FBN3: variants seen among roughly 807,000 people sequenced by gnomAD.
FBN3 encodes the protein fibrillin 3, also known as fibrillin-3.
A neutral mutation model predicts 330.1 loss-of-function variants in FBN3; 234 were observed. The ratio of observed to expected loss-of-function variants is 0.71; its 90% CI spans 0.64 to 0.79. The LOEUF (loss-of-function observed/expected upper bound fraction) is 0.79. FBN3 is among the 30% of genes least tolerant of loss of function. The pLI, the probability that FBN3 is intolerant of heterozygous loss-of-function variation, is 0.00. For missense variants in FBN3, 3,606 were observed against 3,886.9 expected, an observed-to-expected ratio of 0.93 and a Z score of 1.92; for synonymous variants, 1,458 against 1,517.3, an observed-to-expected ratio of 0.96 and a Z score of 0.91.
intron 37 of FBN3, among the ~76,000 whole-genome samples, chr19:8,107,268 TG>T (rs1360663037): frequency 8.5e-6 from 1 of 117,830 alleles, no homozygotes; most frequent in African/African-American, 3.4e-5. Context: ...GAAGGATAAA[TG>T]GACAGAAGGA....
At chr19:8,135,513 G>GTGATCCACCCA (rs1160530793) in intron 13 of FBN3, among the ~76,000 whole-genome samples, 4 of 151,778 alleles carry the variant, frequency 2.6e-5, no homozygotes, top group Non-Finnish European at 4.4e-5. Flanking sequence ...CCTGACCTCG[G>GTGATCCACCCA]CCTCCCAAAG....
chr19:8,072,443 C>T (rs538815260), intron 62 of FBN3, among the ~76,000 whole-genome samples: 71 of 152,250 alleles, frequency 4.7e-4, no homozygotes, highest in Middle Eastern at 3.4e-3. Context: ...AGGACGTGCA[C>T]AGGCTGGGAT....
chr19:8,103,476 A>C, intron 39 of FBN3, 86 bp downstream of exon 39: 1 of 1,413,728 alleles, frequency 7.1e-7, no homozygotes, highest in Non-Finnish European at 9.7e-7. Flanking sequence ...CTCCCTCTCC[A>C]TAGGCTTGAA....
intron 62 of FBN3, among the ~76,000 whole-genome samples, chr19:8,072,536 A>C (rs1323351535): frequency 6.6e-6 from 1 of 152,078 alleles, no homozygotes; most frequent in Non-Finnish European, 1.5e-5. Flanking sequence ...ATGCAGGCAC[A>C]TGTGTGCTCG....
chr19:8,089,185 A>T (rs1291888444), intron 51 of FBN3, among the ~76,000 whole-genome samples: 1 of 152,202 alleles, frequency 6.6e-6, no homozygotes, highest in Non-Finnish European at 1.5e-5. Context: ...GAGTGAGCCA[A>T]GGAGTGAATG....
chr19:8,111,606 T>C, intron 32 of FBN3, 42 bp downstream of exon 32: 1 of 1,424,096 alleles, frequency 7.0e-7, no homozygotes, highest in Non-Finnish European at 9.7e-7. Flanking sequence ...CCCCCGTGGC[T>C]GTCCCTCTAG....
intron 40 of FBN3, among the ~76,000 whole-genome samples, chr19:8,101,489 C>T (rs1259630936): frequency 1.3e-5 from 2 of 152,218 alleles, no homozygotes; most frequent in African/African-American, 4.8e-5. Flanking sequence ...CAGGCCTTGG[C>T]TCCTGCTGTG....
At chr19:8,100,819 A>T in intron 41 of FBN3, 82 bp downstream of exon 41, 1 of 1,040,172 alleles carries the variant, frequency 9.6e-7, no homozygotes, top group Non-Finnish European at 1.5e-6. Context: ...TAAGGAAAAG[A>T]GCTGTTGAGG....
rs192775341 is a variant in FBN3 at position 8,091,949 on chromosome 19, A to G, written c.5906-359T>C. On this transcript the variant is annotated intron_variant, in intron 47 of 63. Transcript: ENST00000600128. ...GTAATCCCAGCACTTTGGGAGGTGGAGGCGGGTGGATCACCAGGTCAGGAG... is the reference window on the plus strand; with the variant it reads ...GTAATCCCAGCACTTTGGGAGGTGGGGGCGGGTGGATCACCAGGTCAGGAG... Among the ~76,000 whole-genome samples, 821 of 152,256 alleles carry G rather than the reference A, an allele frequency of 5.4e-3. 13 individuals carry two copies. The highest frequency in any genetic ancestry group is 0.019 in the African/African-American group (787 of 41,544).
intron 30 of FBN3, among the ~76,000 whole-genome samples, chr19:8,115,292 A>G (rs1235848359): frequency 6.6e-6 from 1 of 152,232 alleles, no homozygotes; most frequent in African/African-American, 2.4e-5. Flanking sequence ...CGTTTCAGAA[A>G]TGCTGCTGCA....
chr19:8,128,961 C>T lies in FBN3; in HGVS notation c.2296+67G>A, dbSNP rs112545956. 1.8e-3 allele frequency: 2,861 copies of T among 1,548,442 alleles called. 38 individuals are homozygous for T. In the African/African-American group the frequency reaches 0.032, roughly 17 times the overall value. Reference sequence around the variant, plus strand: ...GCGTGTGCATGCCTGTGCGTGCACACGCCACATGCCAAGTATGTTGGAGCA... The same window carrying T: ...GCGTGTGCATGCCTGTGCGTGCACATGCCACATGCCAAGTATGTTGGAGCA... On this transcript the variant is annotated intron_variant, in intron 18 of 63. Transcript: ENST00000600128.
Position 8,144,928 on chromosome 19 carries a change from G to A in FBN3, c.490C>T (p.Pro164Ser). The A allele has an allele frequency of 6.2e-7, 1 of 1,612,508 alleles. No individual in the cohort carries two copies. The highest frequency in any genetic ancestry group is 1.7e-5 in the Admixed American group (1 of 59,830). The change falls in exon 6 of 64, where the codon CCC becomes TCC. Residue 164 changes from proline to serine, a missense_variant. Pro to Ser is a moderately conservative substitution (Grantham distance 74). Coordinates refer to ENST00000600128, the MANE Select transcript of FBN3 (RefSeq NM_032447.5). ...CCATACACACAGGCGCAGCGGTTGG[G>A]CCCAATGCAGCGACCCCCATTGTGG... Reference protein sequence around the residue: ...GCHNGGRCIGPNRCACVYGFM... With the variant: ...GCHNGGRCIGSNRCACVYGFM...
chr19:8,086,468 A>ATTTT lies in FBN3; in HGVS notation c.6755-147_6755-144dup, dbSNP rs373108511. The ATTTT allele has an allele frequency of 4.6e-4, 128 of 280,248 alleles. 1 individual carries two copies. Among genetic ancestry groups the ATTTT allele is most frequent in the African/African-American group, 2.7e-3 (117 of 42,564 alleles). 17.4% of individuals were successfully genotyped at this position (280,248 alleles called of 1,614,324 possible). ...TATTTTTATTATTATTATTATTATTATTTTTTGAGACAGAGTCTCGCTCCG... is the reference window on the plus strand; with the variant it reads ...TATTTTTATTATTATTATTATTATTATTTTTTTTTTGAGACAGAGTCTCGCTCCG... On this transcript the variant is annotated intron_variant, in intron 54 of 63. Transcript: ENST00000600128.
intron 61 of FBN3, 58 bp from the exon 62 acceptor site, chr19:8,073,355 A>T: frequency 7.2e-7 from 1 of 1,388,606 alleles, no homozygotes; most frequent in Non-Finnish European, 1.0e-6. Flanking sequence ...TGCAGCCTTC[A>T]CACCCCCAGA....
chr19:8,079,739 A>T (rs1356425849), intron 59 of FBN3, among the ~76,000 whole-genome samples: 1 of 151,970 alleles, frequency 6.6e-6, no homozygotes, highest in Non-Finnish European at 1.5e-5. Flanking sequence ...TACAGGCGCC[A>T]CCACCACACC....
At chr19:8,067,082 CAGG>C (rs1449183635) in intron 63 of FBN3, among the ~76,000 whole-genome samples, 2 of 151,718 alleles carry the variant, frequency 1.3e-5, no homozygotes, top group Non-Finnish European at 2.9e-5. Context: ...GAGGCTGTGG[CAGG>C]AGGATTGCTT....
intron 13 of FBN3, 25 bp downstream of exon 13, chr19:8,135,936 G>GGGGGGGCCCCCCCCC: frequency 1.5e-6 from 1 of 668,774 alleles, no homozygotes; most frequent in Non-Finnish European, 2.4e-6. Flanking sequence ...GGAAGCCCCT[G>GGGGGGGCCCCCCCCC]CCCACCCGCC....
chr19:8,090,789 TG>T (rs1433461330), intron 48 of FBN3, among the ~76,000 whole-genome samples: 1 of 152,146 alleles, frequency 6.6e-6, no homozygotes, highest in African/African-American at 2.4e-5. Flanking sequence ...TGGCCTGCCC[TG>T]GGGTTTTGAG....
intron 40 of FBN3, among the ~76,000 whole-genome samples, chr19:8,101,494 G>A (rs1453601141): frequency 1.3e-5 from 2 of 152,168 alleles, no homozygotes; most frequent in African/African-American, 4.8e-5. Flanking sequence ...CTTGGCTCCT[G>A]CTGTGCCCCT....
Sources: gnomAD v4.1 joint callset for allele counts (sites outside exome capture counted in the v4.1 genomes callset) on GRCh38, gnomAD v4.1.1 for gene constraint, MANE v1.5 for transcripts, NCBI Gene and HGNC (gene_info 2026-07-23, HGNC 2026-07-21) for gene names.